GNS: variants seen among roughly 807,000 people sequenced by gnomAD.
GNS encodes N-acetylglucosamine-6-sulfatase.
GNS carries 40 observed loss-of-function variants against 69.7 expected under a neutral mutation model. That is an observed-to-expected ratio of 0.57 (90% CI 0.45 to 0.75). GNS has a LOEUF of 0.75. Among genes scored for constraint, GNS ranks in the 30% least tolerant of loss-of-function variants. The pLI, the probability that GNS is intolerant of heterozygous loss-of-function variation, is 0.00. For missense variants in GNS, 565 were observed against 685.5 expected, an observed-to-expected ratio of 0.82 and a Z score of 1.96; for synonymous variants, 243 against 251.6, an observed-to-expected ratio of 0.97 and a Z score of 0.32.
chr12:64,752,920 G>C (rs1870125323), intron 1 of GNS, 163 bp from the exon 2 acceptor site: 2 of 634,740 alleles, frequency 3.2e-6, no homozygotes, highest in Non-Finnish European at 5.6e-6. Flanking sequence ...AGACAAGTTT[G>C]GTTCCGGCCA....
At chr12:64,743,332 TCTC>T in intron 5 of GNS, 24 bp from the exon 6 acceptor site, 1 of 1,557,016 alleles carries the variant, frequency 6.4e-7, no homozygotes, top group Admixed American at 1.7e-5. Flanking sequence ...AGATTTGTCA[TCTC>T]CTACCTTACC....
chr12:64,758,089 G>T (rs1870317281), intron 1 of GNS, among the ~76,000 whole-genome samples: 1 of 152,000 alleles, frequency 6.6e-6, no homozygotes, highest in Admixed American at 6.6e-5. Flanking sequence ...GTTTCCAAAG[G>T]TCACACATTC....
chr12:64,743,002 G>A (rs1869794066), intron 6 of GNS, 139 bp downstream of exon 6: 1 of 770,818 alleles, frequency 1.3e-6, no homozygotes, highest in African/African-American at 1.7e-5. Context: ...TATACTATTG[G>A]TTGTACTAGG....
At chr12:64,736,251 A>G (rs1869552886) in intron 9 of GNS, among the ~76,000 whole-genome samples, 2 of 152,246 alleles carry the variant, frequency 1.3e-5, no homozygotes, top group Non-Finnish European at 1.5e-5. Flanking sequence ...CCACGTTTAG[A>G]AAAAGACACT....
At chr12:64,757,123 G>A (rs1015480298) in intron 1 of GNS, among the ~76,000 whole-genome samples, 1 of 152,186 alleles carries the variant, frequency 6.6e-6, no homozygotes, top group Non-Finnish European at 1.5e-5. Flanking sequence ...AGGCTGCAAT[G>A]AGCCTTGATT....
chr12:64,739,882 A>G (rs1344005235), intron 7 of GNS, among the ~76,000 whole-genome samples: 2 of 152,258 alleles, frequency 1.3e-5, no homozygotes, highest in African/African-American at 2.4e-5. Context: ...AGTACTGTGT[A>G]TTACAGATTA....
chr12:64,732,640 T>C (rs1224519438), intron 9 of GNS, among the ~76,000 whole-genome samples: 1 of 150,822 alleles, frequency 6.6e-6, no homozygotes, highest in Non-Finnish European at 1.5e-5. Context: ...TTTTGTATTT[T>C]TTAGTAGAGA....
intron 10 of GNS, among the ~76,000 whole-genome samples, chr12:64,725,995 CAAAAA>C (rs34734900): frequency 2.0e-5 from 1 of 49,214 alleles, no homozygotes; most frequent in African/African-American, 8.1e-5. Context: ...GACTCTGTCT[CAAAAA>C]AAAAAAAAAA....
At chr12:64,721,863 T>C (rs1166406181) in intron 11 of GNS, among the ~76,000 whole-genome samples, 158 bp from the exon 12 acceptor site, 1 of 152,154 alleles carries the variant, frequency 6.6e-6, no homozygotes, top group Non-Finnish European at 1.5e-5. Flanking sequence ...AAAACAGATG[T>C]GAGGTTTTGT....
intron 9 of GNS, among the ~76,000 whole-genome samples, chr12:64,731,120 G>A (rs371942758): frequency 6.6e-6 from 1 of 152,140 alleles, no homozygotes; most frequent in East Asian, 1.9e-4. Context: ...TTTGTCACCC[G>A]AGCTGGAGTG....
At chr12:64,720,237 A>T in intron 12 of GNS, 55 bp from the exon 13 acceptor site, 3 of 1,182,626 alleles carry the variant, frequency 2.5e-6, no homozygotes, top group Non-Finnish European at 3.8e-6. Flanking sequence ...GCCGTGAAGA[A>T]ATACTCTTAA....
intron 1 of GNS, 50 bp downstream of exon 1, chr12:64,759,035 G>C: frequency 1.4e-6 from 2 of 1,409,478 alleles, no homozygotes; most frequent in South Asian, 1.2e-5. Context: ...GCAACAAACC[G>C]GGTAGTCAGC....
intron 2 of GNS, among the ~76,000 whole-genome samples, chr12:64,749,681 A>G (rs555526142): frequency 9.8e-5 from 15 of 152,294 alleles, no homozygotes; most frequent in South Asian, 4.1e-4. Flanking sequence ...CTCTTGTTAC[A>G]TAAGATTTAA....
intron 3 of GNS, among the ~76,000 whole-genome samples, chr12:64,747,298 G>A (rs1380261964): frequency 1.3e-5 from 2 of 152,192 alleles, no homozygotes; most frequent in Non-Finnish European, 2.9e-5. Flanking sequence ...AGAAATCTGA[G>A]GAAAGATTCT....
At chr12:64,758,471 C>T (rs1870346279) in intron 1 of GNS, among the ~76,000 whole-genome samples, 1 of 151,990 alleles carries the variant, frequency 6.6e-6, no homozygotes, top group Non-Finnish European at 1.5e-5. Flanking sequence ...TACAGCTGCG[C>T]GCCACCACGC....
chr12:64,716,866 A>C, intron 13 of GNS, 47 bp from the exon 14 acceptor site: 27 of 1,141,746 alleles, frequency 2.4e-5, no homozygotes, highest in Non-Finnish European at 3.3e-5. Flanking sequence ...CTAGCTTCTC[A>C]CTCAGAATAT....
chr12:64,719,642 T>A (rs1278777640), intron 13 of GNS, among the ~76,000 whole-genome samples: 4 of 152,206 alleles, frequency 2.6e-5, no homozygotes. Context: ...AGAAATGAAA[T>A]GAAGGCATAT....
At position 64,752,772 on chromosome 12, in the gene GNS, A is replaced by C. The variant is rs763245025; in HGVS notation, c.193-15T>G. On this transcript the variant is annotated splice_polypyrimidine_tract_variant and intron_variant, in intron 1 of 13. Coordinates refer to ENST00000258145, the MANE Select transcript of GNS (RefSeq NM_002076.4). ...TTTAGCGGTGTCTGTAAAAGTAAGT[A>C]ATTATCCATTAAACAATTTCTTCCA... 2.3e-6 allele frequency: 3 copies of C among 1,283,446 alleles called. No individual in the cohort carries two copies. Among genetic ancestry groups the C allele is most frequent in the South Asian group, 2.4e-5 (2 of 83,590 alleles). The allele number at this position is 1,283,446 out of a possible 1,614,324, so 79.5% of individuals were successfully genotyped here. A position where few individuals can be genotyped will look rare whatever the true frequency, so the allele number is the denominator to read the frequency against.
intron 11 of GNS, among the ~76,000 whole-genome samples, chr12:64,721,958 T>G (rs763670719): frequency 6.6e-6 from 1 of 152,132 alleles, no homozygotes; most frequent in Non-Finnish European, 1.5e-5. Context: ...CTGACAATAA[T>G]TACTTAAAAT....
Sources: gnomAD v4.1 joint callset for allele counts (sites outside exome capture counted in the v4.1 genomes callset) on GRCh38, gnomAD v4.1.1 for gene constraint, MANE v1.5 for transcripts, NCBI Gene and HGNC (gene_info 2026-07-23, HGNC 2026-07-21) for gene names.